Variants in UBR1 observed in about 807,000 individuals in gnomAD.
UBR1 encodes the protein E3 ubiquitin-protein ligase UBR1.
In UBR1, 102 loss-of-function variants were observed where a neutral mutation model predicts 242.1. The observed-to-expected ratio is 0.42, with a 90% CI of 0.36 to 0.50. The LOEUF (loss-of-function observed/expected upper bound fraction) is 0.50. Ranked by LOEUF, UBR1 falls within the 20% of genes least tolerant of loss-of-function variation. The pLI is 0.01. For synonymous variants in UBR1, 675 were observed against 684.8 expected, an observed-to-expected ratio of 0.99 and a Z score of 0.22; for missense variants, 1,772 against 2,101.8, an observed-to-expected ratio of 0.84 and a Z score of 3.07.
Position 42,952,435 on chromosome 15 carries a change from C to T in UBR1, c.4849G>A (p.Ala1617Thr), listed in dbSNP as rs1367261346. 1.2e-6 allele frequency: 2 copies of T among 1,614,238 alleles called. No individual in the cohort carries two copies. The highest frequency in any genetic ancestry group is 1.7e-5 in the Admixed American group (1 of 60,022). The change falls in exon 45 of 47, where the codon GCA (alanine) becomes ACA (threonine). Residue 1617 changes from alanine (A) to threonine (T), a missense_variant. By Grantham distance (58) the Ala-to-Thr change is moderately conservative. Transcript: ENST00000290650. ...QASHFRCPRS[A>T]DDERKHPVLC... ...ACAGGATGCTTTCGCTCATCATCTGCAGACCGTGGGCACCTCAAAAGAGAA... is the reference window on the plus strand; with the variant it reads ...ACAGGATGCTTTCGCTCATCATCTGTAGACCGTGGGCACCTCAAAAGAGAA...
At chr15:42,960,779 T>TC (rs1410514852) in intron 42 of UBR1, 78 bp from the exon 43 acceptor site, 3 of 1,483,506 alleles carry the variant, frequency 2.0e-6, no homozygotes, top group Admixed American at 3.5e-5. Flanking sequence ...CCATTCTCTT[T>TC]TTTTTTTGAG....
At chr15:42,983,647 A>C (rs2032412592) in intron 37 of UBR1, among the ~76,000 whole-genome samples, 2 of 144,330 alleles carry the variant, frequency 1.4e-5, no homozygotes, top group South Asian at 4.5e-4. Context: ...CCTCAGCAAC[A>C]ACAGCGAAAC....
At chr15:43,071,587 T>C (rs1410845251) in intron 4 of UBR1, among the ~76,000 whole-genome samples, 2 of 152,116 alleles carry the variant, frequency 1.3e-5, no homozygotes, top group African/African-American at 4.8e-5. Flanking sequence ...CTGAACTATA[T>C]TCTTAAAAAC....
At chr15:42,976,516 G>A (rs1274219302) in intron 39 of UBR1, among the ~76,000 whole-genome samples, 1 of 152,032 alleles carries the variant, frequency 6.6e-6, no homozygotes, top group African/African-American at 2.4e-5. Flanking sequence ...TGATAATTAG[G>A]TAGTTTCACC....
chr15:43,073,318 T>G (rs1316809342), intron 4 of UBR1, among the ~76,000 whole-genome samples: 2 of 152,198 alleles, frequency 1.3e-5, no homozygotes, highest in Non-Finnish European at 2.9e-5. Context: ...ATCAATAATT[T>G]AGAAGTATGT....
chr15:43,105,644 C>A (rs1254439073), intron 1 of UBR1, among the ~76,000 whole-genome samples: 2 of 152,168 alleles, frequency 1.3e-5, no homozygotes, highest in Non-Finnish European at 2.9e-5. Flanking sequence ...GCTCCAACCC[C>A]GCCTCGGCCC....
chr15:42,952,245 C>T, intron 45 of UBR1, 33 bp downstream of exon 45: 1 of 1,613,972 alleles, frequency 6.2e-7, no homozygotes. Flanking sequence ...TCCTTAAGTT[C>T]ATCATGAAGC....
chr15:42,998,789 G>C (rs1317375055), intron 32 of UBR1, among the ~76,000 whole-genome samples: 5 of 152,092 alleles, frequency 3.3e-5, no homozygotes, highest in African/African-American at 4.8e-5. Context: ...GCAGCTAGAA[G>C]AATTTTCTAA....
chr15:43,037,717 GA>G lies in UBR1; in HGVS notation c.2022+55del, dbSNP rs898393539. On this transcript the variant is annotated intron_variant, in intron 17 of 46. Transcript: ENST00000290650. ...GAACACAGGGTAAAATCATATAAGA[GA>G]AAAAAATTAGAAAATGAGCACATTC... 27 of 1,501,876 alleles carry G rather than the reference GA, an allele frequency of 1.8e-5. No homozygotes were observed. In the African/African-American group the frequency reaches 2.9e-4, roughly 16 times the overall value. The allele number at this position is 1,501,876 out of a possible 1,614,324, so 93.0% of individuals were successfully genotyped here.
At chr15:43,103,358 T>C (rs984480365) in intron 1 of UBR1, among the ~76,000 whole-genome samples, 4 of 152,170 alleles carry the variant, frequency 2.6e-5, no homozygotes, top group African/African-American at 9.7e-5. Context: ...AGCGAAACCC[T>C]GTCTCAAAAC....
intron 1 of UBR1, among the ~76,000 whole-genome samples, chr15:43,099,395 T>C (rs914049506): frequency 6.6e-6 from 1 of 152,104 alleles, no homozygotes; most frequent in Non-Finnish European, 1.5e-5. Context: ...ATTTCCATAA[T>C]GATTATTGCG....
intron 35 of UBR1, among the ~76,000 whole-genome samples, chr15:42,987,540 C>A (rs188074832): frequency 1.3e-5 from 2 of 151,672 alleles, no homozygotes; most frequent in African/African-American, 2.4e-5. Context: ...ATGGTGAAAC[C>A]CCGTCTCTAC....
At chr15:43,090,962 G>A (rs2034098780) in intron 1 of UBR1, among the ~76,000 whole-genome samples, 1 of 151,802 alleles carries the variant, frequency 6.6e-6, no homozygotes, top group African/African-American at 2.4e-5. Flanking sequence ...TTTTTGAGGT[G>A]GAGTTTTGCT....
chr15:42,982,646 G>A (rs140301607), intron 37 of UBR1, among the ~76,000 whole-genome samples: 20 of 152,324 alleles, frequency 1.3e-4, no homozygotes, highest in African/African-American at 4.8e-4. Flanking sequence ...CTCAGGAAGA[G>A]CTCCCTAAGA....
intron 32 of UBR1, among the ~76,000 whole-genome samples, chr15:42,999,800 G>A (rs578114104): frequency 1.3e-5 from 2 of 151,718 alleles, no homozygotes; most frequent in South Asian, 4.2e-4. Context: ...CTGCACTCCA[G>A]CACACAGTGA....
At chr15:43,047,322 C>T in intron 13 of UBR1, 33 bp from the exon 14 acceptor site, 1 of 1,613,952 alleles carries the variant, frequency 6.2e-7, no homozygotes, top group South Asian at 1.1e-5. Flanking sequence ...ATACACCTAT[C>T]TGAGCCCTCT....
intron 43 of UBR1, among the ~76,000 whole-genome samples, chr15:42,958,315 G>T (rs903383083): frequency 6.6e-6 from 1 of 152,234 alleles, no homozygotes; most frequent in Middle Eastern, 3.4e-3. Flanking sequence ...TAGTTTCTAG[G>T]ACTAAACTGT....
At position 42,962,824 on chromosome 15, in the gene UBR1, A is replaced by G. The variant is rs1165939817; in HGVS notation, c.4700+1111T>C. On this transcript the variant is annotated intron_variant, in intron 42 of 46. Transcript: ENST00000290650. ...GCTTCCCTTTTTCCTGGCCACCAAA[A>G]TCTTGCCAGTGCTTCCCCTCCCACT... Among the ~76,000 whole-genome samples, 3 of 152,042 alleles carry G rather than the reference A, an allele frequency of 2.0e-5. No homozygotes were observed. The East Asian group carries it at 5.8e-4, about 29-fold the overall frequency.
intron 32 of UBR1, among the ~76,000 whole-genome samples, chr15:43,002,350 G>A (rs2032738700): frequency 6.6e-6 from 1 of 151,882 alleles, no homozygotes; most frequent in Non-Finnish European, 1.5e-5. Context: ...AAGTAACTGG[G>A]TCTACAGGCG....
Sources: gnomAD v4.1 joint callset for allele counts (sites outside exome capture counted in the v4.1 genomes callset) on GRCh38, gnomAD v4.1.1 for gene constraint, MANE v1.5 for transcripts, NCBI Gene and HGNC (gene_info 2026-07-23, HGNC 2026-07-21) for gene names.